SGCD: variants seen among roughly 807,000 people sequenced by gnomAD.
SGCD encodes delta-sarcoglycan.
Under a neutral mutation model 36.6 loss-of-function variants are expected in SGCD, and 18 were observed. The ratio of observed to expected loss-of-function variants is 0.49; its 90% confidence interval spans 0.34 to 0.73. SGCD has a LOEUF of 0.73. SGCD is among the 30% of genes least tolerant of loss of function. The pLI, the probability that SGCD is intolerant of heterozygous loss-of-function variation, is 0.01. For synonymous variants in SGCD, 133 were observed against 130.6 expected (o/e 1.02, Z -0.12); for missense variants, 387 against 346.7 (o/e 1.12, Z -0.92).
intron 3 of SGCD, among the ~76,000 whole-genome samples, chr5:156,197,181 A>G (rs1016030127): frequency 1.3e-5 from 2 of 152,174 alleles, no homozygotes; most frequent in African/African-American, 4.8e-5. Context: ...ATTTGCCATA[A>G]AAGTGCCATG....
rs527244390 is a variant in SGCD at position 156,027,515 on chromosome 5, T to C, written c.-281-90363T>C. 2.6e-5 allele frequency among the ~76,000 whole-genome samples: 4 copies of C among 152,330 alleles called. No individual in the cohort carries two copies. The East Asian group carries it at 5.8e-4, about 22-fold the overall frequency. Reference sequence around the variant, plus strand: ...AATATGATGACAATTGAATAGCAGATATCATGATGAATTTTATTCTAGTCT... The same window carrying C: ...AATATGATGACAATTGAATAGCAGACATCATGATGAATTTTATTCTAGTCT... On this transcript the variant is annotated intron_variant, in intron 1 of 9. Transcript: ENST00000517913.
Position 156,587,668 on chromosome 5 carries a change from C to T in SGCD, c.295-1563C>T, listed in dbSNP as rs115945857. ...AAGGAAAAAGACATTAGACAGCCCA[C>T]AATTTTCTTACCTCTATGACTTTCT... On this transcript the variant is annotated intron_variant, in intron 4 of 8. Transcript: ENST00000337851. 2.5e-3 allele frequency among the ~76,000 whole-genome samples: 387 copies of T among 152,252 alleles called. 1 individual carries two copies. Among genetic ancestry groups the T allele is most frequent in the African/African-American group, 8.8e-3 (367 of 41,550 alleles).
chr5:156,424,076 A>T (rs1773559130), intron 3 of SGCD, among the ~76,000 whole-genome samples: 1 of 152,036 alleles, frequency 6.6e-6, no homozygotes, highest in Non-Finnish European at 1.5e-5. Flanking sequence ...AAAGTAAAAT[A>T]CTTTCTTTCA....
At chr5:155,917,419 G>C (rs1055366176) in intron 1 of SGCD, among the ~76,000 whole-genome samples, 8 of 152,156 alleles carry the variant, frequency 5.3e-5, no homozygotes, top group African/African-American at 1.9e-4. Flanking sequence ...GATCTGGCCT[G>C]TAGTAAGTAA....
chr5:155,728,535 C>G, the SGCD span, among the ~76,000 whole-genome samples: 1 of 152,210 alleles, frequency 6.6e-6, no homozygotes, highest in African/African-American at 2.4e-5. Flanking sequence ...CGCTCTCTTG[C>G]GCGCTGTCTG....
At chr5:156,677,332 G>A (rs1753552836) in intron 7 of SGCD, among the ~76,000 whole-genome samples, 1 of 152,192 alleles carries the variant, frequency 6.6e-6, no homozygotes, top group Non-Finnish European at 1.5e-5. Flanking sequence ...ATACTATGCA[G>A]CCATAAGAAA....
chr5:156,169,885 A>G (rs1350185160), intron 3 of SGCD, among the ~76,000 whole-genome samples: 3 of 152,188 alleles, frequency 2.0e-5, no homozygotes, highest in Non-Finnish European at 4.4e-5. Context: ...CATTCACACC[A>G]TAGAGAGCCT....
chr5:156,433,892 C>T (rs1336841776), intron 3 of SGCD, among the ~76,000 whole-genome samples: 1 of 152,188 alleles, frequency 6.6e-6, no homozygotes, highest in East Asian at 1.9e-4. Context: ...TTGACCTTGA[C>T]CTTGTTGTCT....
intron 3 of SGCD, among the ~76,000 whole-genome samples, chr5:156,430,475 T>G (rs758408168): frequency 6.6e-6 from 1 of 152,126 alleles, no homozygotes; most frequent in Non-Finnish European, 1.5e-5. Flanking sequence ...CCTTTGGAAT[T>G]CTTTATTGGA....
chr5:156,292,590 C>T (rs1037716531), intron 3 of SGCD, among the ~76,000 whole-genome samples: 14 of 152,064 alleles, frequency 9.2e-5, no homozygotes, highest in Non-Finnish European at 1.6e-4. Context: ...CAAGACTCTG[C>T]TTTCCATTAT....
intron 1 of SGCD, among the ~76,000 whole-genome samples, chr5:155,893,695 G>T (rs986591281): frequency 6.6e-6 from 1 of 152,166 alleles, no homozygotes; most frequent in African/African-American, 2.4e-5. Context: ...AGACATCATA[G>T]ACATAGATAA....
Position 156,069,186 on chromosome 5 carries a change from A to G in SGCD, c.-281-48692A>G, listed in dbSNP as rs199931469. Among the ~76,000 whole-genome samples, 18 of 152,130 alleles carry G rather than the reference A, an allele frequency of 1.2e-4. 1 individual carries two copies. The highest frequency in any genetic ancestry group is 3.3e-4 in the Admixed American group (5 of 15,260). On this transcript the variant is annotated intron_variant, in intron 1 of 9. Transcript: ENST00000517913. ...CCATTGCTTTTGGTGTTTTAGACAT[A>G]AAGTCCTTGCCCATGCCTATGTCCT...
intron 7 of SGCD, among the ~76,000 whole-genome samples, chr5:156,652,749 G>A (rs928049146): frequency 2.0e-5 from 3 of 152,022 alleles, no homozygotes; most frequent in Admixed American, 2.0e-4. Flanking sequence ...TATTTGGGGG[G>A]TATGTTCTTT....
intron 6 of SGCD, among the ~76,000 whole-genome samples, chr5:156,623,710 G>A (rs981268643): frequency 1.3e-5 from 2 of 152,198 alleles, no homozygotes; most frequent in Non-Finnish European, 2.9e-5. Context: ...GGAAAGAGCC[G>A]ATATGAAATC....
chr5:156,323,786 G>C (rs1169026892), upstream of SGCD, among the ~76,000 whole-genome samples: 2 of 152,174 alleles, frequency 1.3e-5, no homozygotes, highest in Non-Finnish European at 2.9e-5. Context: ...ATTCCAGCAG[G>C]CACAGCCATT....
At chr5:156,362,182 A>G (rs1432433506) in intron 3 of SGCD, among the ~76,000 whole-genome samples, 1 of 152,242 alleles carries the variant, frequency 6.6e-6, no homozygotes, top group East Asian at 1.9e-4. Flanking sequence ...TTGAGTCTCC[A>G]CACTGCACTA....
At chr5:156,430,452 A>T (rs1364774878) in intron 3 of SGCD, among the ~76,000 whole-genome samples, 3 of 151,832 alleles carry the variant, frequency 2.0e-5, no homozygotes, top group African/African-American at 7.3e-5. Flanking sequence ...TATCTCCTTG[A>T]GTAGCCTAAT....
At chr5:156,475,367 A>G (rs1281655607) in intron 3 of SGCD, among the ~76,000 whole-genome samples, 1 of 152,178 alleles carries the variant, frequency 6.6e-6, no homozygotes, top group Non-Finnish European at 1.5e-5. Flanking sequence ...GTGACAGTTC[A>G]GACTATGGGT....
Position 156,297,338 on chromosome 5 carries a change from C to T in SGCD, c.-43-32196C>T, listed in dbSNP as rs560207685. Among the ~76,000 whole-genome samples the T allele has an allele frequency of 1.4e-3, 209 of 152,074 alleles. 4 individuals carry two copies. Among genetic ancestry groups the T allele is most frequent in the Middle Eastern group, 6.8e-3 (2 of 292 alleles). ...ATGCTGCTATAAAGACACCTGCACA[C>T]GTATGTTTATTGCGGCATTATTCAC... On this transcript the variant is annotated intron_variant, in intron 3 of 9. Coordinates refer to the SGCD transcript ENST00000517913.
Sources: gnomAD v4.1 joint callset for allele counts (sites outside exome capture counted in the v4.1 genomes callset) on GRCh38, gnomAD v4.1.1 for gene constraint, MANE v1.5 for transcripts, NCBI Gene and HGNC (gene_info 2026-07-23, HGNC 2026-07-21) for gene names.